Variants in CADM2 observed in about 807,000 individuals in gnomAD.
CADM2 encodes the protein immunoglobulin superfamily member 4D.
Under a neutral mutation model 49.8 loss-of-function variants are expected in CADM2, and 12 were observed. The ratio of observed to expected loss-of-function variants is 0.24; its 90% CI spans 0.15 to 0.39. The LOEUF is 0.39. Among genes scored for constraint, CADM2 ranks in the 10% least tolerant of loss-of-function variants. The pLI, the probability that CADM2 is intolerant of heterozygous loss-of-function variation, is 1.00. For missense variants in CADM2, 378 were observed against 492.3 expected (o/e 0.77, Z 2.20); for synonymous variants, 214 against 175.4 (o/e 1.22, Z -1.74).
chr3:85,422,768 C>G (rs897743910), intron 1 of CADM2, among the ~76,000 whole-genome samples: 1 of 151,944 alleles, frequency 6.6e-6, no homozygotes, highest in African/African-American at 2.4e-5. Flanking sequence ...TGGCTGGGCT[C>G]AAACCCCTTA....
intron 1 of CADM2, among the ~76,000 whole-genome samples, chr3:85,523,054 C>G (rs933786814): frequency 4.0e-5 from 6 of 151,772 alleles, no homozygotes; most frequent in African/African-American, 1.5e-4. Context: ...TGATCAGACC[C>G]CCACACATTT....
At chr3:86,051,599 T>C (rs1328350725) in intron 8 of CADM2, among the ~76,000 whole-genome samples, 1 of 152,094 alleles carries the variant, frequency 6.6e-6, no homozygotes, top group East Asian at 1.9e-4. Context: ...ATAAAGAAAA[T>C]TGGCTCACAG....
intron 1 of CADM2, among the ~76,000 whole-genome samples, chr3:85,031,721 A>T (rs28552692): frequency 9.3e-5 from 14 of 151,098 alleles, no homozygotes; most frequent in South Asian, 2.1e-4. Flanking sequence ...GGGGTTTCAC[A>T]GTGTTAGCCA....
chr3:85,597,186 A>G (rs2063269183), intron 1 of CADM2, among the ~76,000 whole-genome samples: 2 of 150,434 alleles, frequency 1.3e-5, no homozygotes, highest in Non-Finnish European at 3.0e-5. Flanking sequence ...AAAGTGCACA[A>G]GATTGTCAAG....
chr3:84,981,752 A>G (rs2032194234), intron 1 of CADM2, among the ~76,000 whole-genome samples: 1 of 152,000 alleles, frequency 6.6e-6, no homozygotes, highest in Non-Finnish European at 1.5e-5. Flanking sequence ...GAAGTATTAA[A>G]TATATTCCTG....
At chr3:85,405,423 A>G (rs536488582) in intron 1 of CADM2, among the ~76,000 whole-genome samples, 10 of 152,250 alleles carry the variant, frequency 6.6e-5, no homozygotes, top group Non-Finnish European at 1.3e-4. Context: ...CAGAGATTGG[A>G]AGTAACCATT....
chr3:84,963,130 C>T (rs1331610646), intron 1 of CADM2, among the ~76,000 whole-genome samples: 1 of 152,142 alleles, frequency 6.6e-6, no homozygotes, highest in Non-Finnish European at 1.5e-5. Flanking sequence ...ATGTAGGCTA[C>T]TTAAATAGCA....
intron 1 of CADM2, among the ~76,000 whole-genome samples, chr3:85,513,299 A>G (rs1170166612): frequency 2.0e-5 from 3 of 151,994 alleles, no homozygotes; most frequent in Non-Finnish European, 4.4e-5. Context: ...TGTACTCTTG[A>G]GTCCTGCAAT....
intron 1 of CADM2, among the ~76,000 whole-genome samples, chr3:85,479,380 C>A (rs1458436667): frequency 6.6e-6 from 1 of 151,818 alleles, no homozygotes; most frequent in Non-Finnish European, 1.5e-5. Context: ...TATGATATAC[C>A]AAGCTATGTT....
intron 1 of CADM2, among the ~76,000 whole-genome samples, chr3:85,181,157 G>A (rs1408624538): frequency 6.6e-6 from 1 of 152,078 alleles, no homozygotes; most frequent in African/African-American, 2.4e-5. Context: ...AATTTTATAA[G>A]AGCAAAGTAG....
chr3:85,376,790 T>A (rs1326275303), intron 1 of CADM2, among the ~76,000 whole-genome samples: 1 of 152,022 alleles, frequency 6.6e-6, no homozygotes. Flanking sequence ...TACAATTGAG[T>A]AATTTTGCTT....
intron 3 of CADM2, among the ~76,000 whole-genome samples, chr3:85,827,651 T>C (rs1466589723): frequency 6.6e-6 from 1 of 152,028 alleles, no homozygotes; most frequent in Non-Finnish European, 1.5e-5. Context: ...GACAACTGAT[T>C]AGAAAAGTTC....
intron 1 of CADM2, among the ~76,000 whole-genome samples, chr3:85,210,713 G>A (rs578036629): frequency 6.6e-6 from 1 of 151,954 alleles, no homozygotes; most frequent in South Asian, 2.1e-4. Flanking sequence ...GCTAATTATT[G>A]TACTTTTTTG....
At chr3:85,937,657 C>G (rs1721342294) in intron 7 of CADM2, among the ~76,000 whole-genome samples, 1 of 151,738 alleles carries the variant, frequency 6.6e-6, no homozygotes, top group South Asian at 2.1e-4. Flanking sequence ...AAGTTGAAGC[C>G]CTAGATGCTT....
rs1489879628 is a variant in CADM2, at chr3:86,067,734, A to C, written c.*951A>C. The C allele has an allele frequency of 2.6e-5, 4 of 152,514 alleles. No individual in the cohort carries two copies. The highest frequency in any genetic ancestry group is 5.9e-5 in the Non-Finnish European group (4 of 67,934). 9.4% of individuals were successfully genotyped at this position (152,514 alleles called of 1,614,324 possible). On this transcript the variant is annotated 3_prime_UTR_variant, in exon 10 of 10. Transcript: ENST00000383699. ...TTTTTTGGCTGTATGTAATTCAGTC[A>C]TAAGTAAGCATTTTCTAACGTCCAT...
chr3:85,061,493 C>A (rs920511558), intron 1 of CADM2, among the ~76,000 whole-genome samples: 3 of 151,994 alleles, frequency 2.0e-5, no homozygotes, highest in Admixed American at 1.3e-4. Flanking sequence ...TTCATTAAGT[C>A]AAAATAGGAC....
intron 1 of CADM2, among the ~76,000 whole-genome samples, chr3:85,122,433 T>C (rs1043329513): frequency 2.6e-5 from 4 of 152,106 alleles, no homozygotes; most frequent in Non-Finnish European, 4.4e-5. Flanking sequence ...TGTTACACTA[T>C]TTATGTAATT....
At chr3:85,843,504 A>AT (rs1223007004) in intron 3 of CADM2, among the ~76,000 whole-genome samples, 2 of 151,932 alleles carry the variant, frequency 1.3e-5, no homozygotes, top group Non-Finnish European at 2.9e-5. Context: ...TTTGTCTTAT[A>AT]TTTTTTATTT....
intron 1 of CADM2, among the ~76,000 whole-genome samples, chr3:85,502,145 T>A (rs1408953240): frequency 6.6e-6 from 1 of 152,048 alleles, no homozygotes; most frequent in Non-Finnish European, 1.5e-5. Flanking sequence ...AGTAATTGAG[T>A]AGATGAATTG....
Sources: allele counts gnomAD v4.1 joint callset (sites outside exome capture counted in the v4.1 genomes callset), GRCh38; gene constraint gnomAD v4.1.1; transcripts MANE v1.5; gene names NCBI Gene and HGNC (gene_info 2026-07-23, HGNC 2026-07-21).